The following RSPRY1 variants were observed in gnomAD, a reference collection of about 807,000 sequenced individuals.
RSPRY1 encodes ring finger and SPRY domain containing 1.
Under a neutral mutation model 73.1 loss-of-function variants are expected in RSPRY1, and 23 were observed. That is an observed-to-expected ratio of 0.31 (90% CI 0.23 to 0.45). RSPRY1 has a LOEUF of 0.45. RSPRY1 is among the 20% of genes least tolerant of loss of function. The pLI is 1.00. For missense variants in RSPRY1, 448 were observed against 698.7 expected, an observed-to-expected ratio of 0.64 and a Z score of 4.05; for synonymous variants, 226 against 251.4, an observed-to-expected ratio of 0.90 and a Z score of 0.95.
chr16:57,220,750 A>G lies in RSPRY1; in HGVS notation c.920A>G (p.Gln307Arg). The change falls in exon 9 of 15, where the codon CAG (glutamine) becomes CGG (arginine). Residue 307 changes from glutamine (Q) to arginine (R), a missense_variant. Transcript: ENST00000394420. ...TTTGCAGTTTTAAAAGAAGGTAGAC[A>G]GCTGACCTATGAGAAAGTGAACTTG... is the stretch of plus-strand genomic sequence containing the variant. ...LDNLFLKEGR[Q>R]LTYEKVNLSS... 1.2e-6 allele frequency: 2 copies of G among 1,612,736 alleles called. No individual in the cohort carries two copies. The highest frequency in any genetic ancestry group is 1.7e-6 in the Non-Finnish European group (2 of 1,178,724).
intron 1 of RSPRY1, among the ~76,000 whole-genome samples, chr16:57,189,139 A>G (rs1056287246): frequency 5.9e-5 from 9 of 151,704 alleles, no homozygotes; most frequent in Admixed American, 3.3e-4. Flanking sequence ...GATTACAGGC[A>G]AGCACCACCC....
intron 1 of RSPRY1, among the ~76,000 whole-genome samples, chr16:57,191,100 T>C (rs1597844702): frequency 6.6e-6 from 1 of 152,168 alleles, no homozygotes; most frequent in Non-Finnish European, 1.5e-5. Flanking sequence ...AATAGAAGGT[T>C]TGAAATACCT....
chr16:57,223,445 G>A (rs1262385425), intron 10 of RSPRY1, among the ~76,000 whole-genome samples: 2 of 152,164 alleles, frequency 1.3e-5, no homozygotes, highest in African/African-American at 4.8e-5. Flanking sequence ...GGCTTAGGAG[G>A]AGCAACTCTC....
chr16:57,209,467 G>A (rs779944221), intron 4 of RSPRY1, among the ~76,000 whole-genome samples: 3 of 151,936 alleles, frequency 2.0e-5, no homozygotes, highest in Non-Finnish European at 4.4e-5. Context: ...GGGTCCAAGC[G>A]ATTCTCCTGC....
At chr16:57,226,896 C>G (rs2075129273) in intron 10 of RSPRY1, among the ~76,000 whole-genome samples, 1 of 152,186 alleles carries the variant, frequency 6.6e-6, no homozygotes, top group East Asian at 1.9e-4. Flanking sequence ...TTGAATGCCT[C>G]TGACAATCTT....
chr16:57,188,009 G>C (rs2074278754), intron 1 of RSPRY1, among the ~76,000 whole-genome samples: 1 of 152,082 alleles, frequency 6.6e-6, no homozygotes, highest in Non-Finnish European at 1.5e-5. Flanking sequence ...TATATGCATG[G>C]CTTTTGGATG....
chr16:57,196,194 A>C (rs1445025686), intron 1 of RSPRY1, among the ~76,000 whole-genome samples: 5 of 151,974 alleles, frequency 3.3e-5, no homozygotes, highest in African/African-American at 1.2e-4. Flanking sequence ...CCTCATGGGA[A>C]ATATATGGAG....
At chr16:57,232,057 A>AGCAGCT (rs1426573216) in intron 13 of RSPRY1, among the ~76,000 whole-genome samples, 1 of 152,194 alleles carries the variant, frequency 6.6e-6, no homozygotes, top group Admixed American at 6.5e-5. Context: ...TTTTAAACAG[A>AGCAGCT]GCAGCTGCCT....
At chr16:57,216,218 G>A in intron 7 of RSPRY1, 45 bp downstream of exon 7, 4 of 1,417,854 alleles carry the variant, frequency 2.8e-6, no homozygotes, top group Non-Finnish European at 4.0e-6. Flanking sequence ...TGTATTGGTT[G>A]TTAAAAATTT....
At position 57,213,088 on chromosome 16, in the gene RSPRY1, G is replaced by A; in HGVS notation, c.633G>A (p.Glu211=). 1 of 1,612,004 alleles carries A rather than the reference G, an allele frequency of 6.2e-7. No homozygotes were observed. The highest frequency in any genetic ancestry group is 8.5e-7 in the Non-Finnish European group (1 of 1,179,028). Residue 211 remains glutamate (E), a synonymous_variant, in exon 5 of 15, where the codon GAG becomes GAA. Transcript: ENST00000394420. ...CTGCAGTCCTAGGCTGCTTGGCCGA[G>A]AAACTAGCAGGTAACTTTGGGACAC... ...NTSAVLGCLA[E]KLAGPASIGL...
At chr16:57,193,303 A>G (rs566315194) in intron 1 of RSPRY1, among the ~76,000 whole-genome samples, 21 of 152,256 alleles carry the variant, frequency 1.4e-4, no homozygotes, top group African/African-American at 3.6e-4. Flanking sequence ...ACCTTCCCCA[A>G]TGAAATACCA....
chr16:57,195,664 CT>C (rs201029140), intron 1 of RSPRY1, among the ~76,000 whole-genome samples: 4,432 of 142,796 alleles, frequency 0.031, 178 homozygotes, highest in African/African-American at 0.096. Context: ...GTGTGACTAG[CT>C]TTTTTTTTTT....
In RSPRY1 at chr16:57,189,504, T is replaced by TA. The variant is rs750796926; in HGVS notation, c.-156+3066dup. Among the ~76,000 whole-genome samples, 1,135 of 137,932 alleles carry TA rather than the reference T, an allele frequency of 8.2e-3. 14 individuals carry two copies. Among genetic ancestry groups the TA allele is most frequent in the African/African-American group, 0.027 (1,012 of 37,822 alleles). 90.5% of individuals were successfully genotyped at this position (137,932 alleles called of 152,430 possible). A position where few individuals can be genotyped will look rare whatever the true frequency, so the allele number is the denominator to read the frequency against. ...ATGTAGCACTGTGGGGCCTGGAGGC[T>TA]AAAAAAAAAAAAAGTGTGTTTTGTC... On this transcript the variant is annotated intron_variant, in intron 1 of 14. Coordinates refer to ENST00000394420, the MANE Select transcript of RSPRY1 (RefSeq NM_133368.3).
chr16:57,218,358 CT>C (rs1352992284), intron 8 of RSPRY1, among the ~76,000 whole-genome samples: 1 of 152,030 alleles, frequency 6.6e-6, no homozygotes. Flanking sequence ...TTGCACTTTT[CT>C]TTTAGTTATT....
chr16:57,203,395 C>A (rs2074662471), intron 1 of RSPRY1, among the ~76,000 whole-genome samples: 1 of 152,170 alleles, frequency 6.6e-6, no homozygotes, highest in Non-Finnish European at 1.5e-5. Context: ...GGTCAGTGCT[C>A]AAGGTATGAG....
At position 57,209,155 on chromosome 16, in the gene RSPRY1, T is replaced by C. The variant is rs754676235; in HGVS notation, c.484T>C (p.Leu162=). ...TCCACTGGGACCAGCTGTTATAACA[T>C]TGTTACTAGATGAATGTCCATTGCC... ...EDPLGPAVIT[L]LLDECPLPTK... is the part of the protein sequence containing the mutation. The change falls in exon 4 of 15, where the codon TTG becomes CTG. Residue 162 remains leucine, a synonymous_variant. Transcript: ENST00000394420. 1.1e-5 allele frequency: 18 copies of C among 1,612,046 alleles called. No individual in the cohort carries two copies. In the East Asian group the frequency reaches 3.1e-4, roughly 28 times the overall value.
rs752021465 is a variant in RSPRY1, at chr16:57,227,459, C to A, written c.1273+6C>A. The A allele has an allele frequency of 1.3e-6, 2 of 1,581,092 alleles. No individual in the cohort carries two copies. Among genetic ancestry groups the A allele is most frequent in the East Asian group, 4.5e-5 (2 of 44,770 alleles). On this transcript the variant is annotated splice_donor_region_variant and intron_variant, in intron 11 of 14. Coordinates refer to ENST00000394420, the MANE Select transcript of RSPRY1 (RefSeq NM_133368.3). The stretch of plus-strand genomic sequence containing the variant: ...ACACCCATGCTGGAAAGAAGGTATT[C>A]ATTCCCTCCATTATAAATTTATCAA...
At chr16:57,200,202 CAG>C (rs1282336456) in intron 1 of RSPRY1, among the ~76,000 whole-genome samples, 1 of 148,198 alleles carries the variant, frequency 6.7e-6, no homozygotes, top group Non-Finnish European at 1.5e-5. Context: ...GCACATGTTT[CAG>C]AGAGCACAGG....
chr16:57,197,821 T>G (rs1440846415), intron 1 of RSPRY1, among the ~76,000 whole-genome samples: 1 of 152,120 alleles, frequency 6.6e-6, no homozygotes, highest in Admixed American at 6.5e-5. Flanking sequence ...CCTCCCAGGC[T>G]CAAGTGATCT....
Sources: gnomAD v4.1 joint callset for allele counts (sites outside exome capture counted in the v4.1 genomes callset) on GRCh38, gnomAD v4.1.1 for gene constraint, MANE v1.5 for transcripts, NCBI Gene and HGNC (gene_info 2026-07-23, HGNC 2026-07-21) for gene names.